The following PXT1 variants were observed in gnomAD, a reference collection of about 807,000 sequenced individuals.
PXT1 encodes peroxisomal testis-specific protein 1.
In PXT1, 11 loss-of-function variants were observed where a neutral mutation model predicts 11.0. The ratio of observed to expected loss-of-function variants is 1.00; its 90% confidence interval spans 0.63 to 1.66. The LOEUF is 1.66. Among genes scored for constraint, PXT1 ranks in the 40% most tolerant of loss-of-function variants. The pLI, the probability that PXT1 is intolerant of heterozygous loss-of-function variation, is 0.00. For missense variants in PXT1, 141 were observed against 155.5 expected (o/e 0.91, Z 0.49); for synonymous variants, 43 against 51.4 (o/e 0.84, Z 0.70).
chr6:36,393,236 G>A (rs914688115), intron 4 of PXT1, among the ~76,000 whole-genome samples: 1 of 152,112 alleles, frequency 6.6e-6, no homozygotes. Flanking sequence ...AAAGTGCCGG[G>A]ATTACAGGCG....
At chr6:36,424,806 C>A (rs967496913) in intron 3 of PXT1, among the ~76,000 whole-genome samples, 1 of 151,984 alleles carries the variant, frequency 6.6e-6, no homozygotes, top group Non-Finnish European at 1.5e-5. Flanking sequence ...TCCAGCCTGG[C>A]CAACACGGTG....
intron 3 of PXT1, among the ~76,000 whole-genome samples, chr6:36,413,955 C>T (rs1293469240): frequency 1.3e-5 from 2 of 152,174 alleles, no homozygotes; most frequent in Non-Finnish European, 2.9e-5. Context: ...GCTAAGATTA[C>T]GTCACTGCAC....
intron 2 of PXT1, among the ~76,000 whole-genome samples, chr6:36,433,965 G>A (rs964954527): frequency 6.6e-6 from 1 of 151,926 alleles, no homozygotes; most frequent in Non-Finnish European, 1.5e-5. Flanking sequence ...AAGAAAATAT[G>A]AGAAAATGTT....
At chr6:36,402,970 C>A (rs1277721797) in intron 3 of PXT1, among the ~76,000 whole-genome samples, 1 of 145,208 alleles carries the variant, frequency 6.9e-6, no homozygotes, top group Non-Finnish European at 1.5e-5. Flanking sequence ...TTTTTTGACA[C>A]AGTTTCACTC....
intron 4 of PXT1, among the ~76,000 whole-genome samples, chr6:36,398,157 C>T (rs775799544): frequency 2.3e-4 from 35 of 152,124 alleles, no homozygotes; most frequent in Non-Finnish European, 4.9e-4. Flanking sequence ...AAATGCAAAT[C>T]AAAAGCACAA....
intron 3 of PXT1, 118 bp downstream of exon 3, chr6:36,425,796 A>AAAATAAAAAC (rs1561932329): frequency 3.4e-6 from 1 of 291,732 alleles, no homozygotes. Context: ...TCAAAAAACA[A>AAAATAAAAAC]AAACAAAAAA....
At chr6:36,407,832 C>T (rs1471775523) in intron 3 of PXT1, among the ~76,000 whole-genome samples, 1 of 152,204 alleles carries the variant, frequency 6.6e-6, no homozygotes, top group East Asian at 1.9e-4. Flanking sequence ...CCTACATTTT[C>T]CCACCACAAC....
intron 3 of PXT1, among the ~76,000 whole-genome samples, chr6:36,412,077 C>T (rs1052323942): frequency 2.6e-5 from 4 of 152,138 alleles, no homozygotes; most frequent in Non-Finnish European, 4.4e-5. Context: ...TGGAGCCAGG[C>T]GCGGTGGCTC....
At chr6:36,401,444 G>A (rs1302439381) in intron 3 of PXT1, among the ~76,000 whole-genome samples, 2 of 151,978 alleles carry the variant, frequency 1.3e-5, no homozygotes, top group Non-Finnish European at 2.9e-5. Context: ...GTAAGACCTT[G>A]TCTCTACAGA....
chr6:36,395,364 T>A (rs1212671302), intron 4 of PXT1, among the ~76,000 whole-genome samples: 2 of 151,792 alleles, frequency 1.3e-5, no homozygotes, highest in African/African-American at 4.8e-5. Flanking sequence ...TTAAACAGAG[T>A]ACAAAAGGTA....
intron 3 of PXT1, among the ~76,000 whole-genome samples, chr6:36,410,417 G>A (rs1267388680): frequency 1.3e-5 from 2 of 149,524 alleles, no homozygotes; most frequent in Admixed American, 6.7e-5. Flanking sequence ...GCCATTGCTC[G>A]CCAGCCAGGG....
intron 3 of PXT1, among the ~76,000 whole-genome samples, chr6:36,408,837 T>A (rs1039584203): frequency 6.6e-6 from 1 of 151,576 alleles, no homozygotes; most frequent in Non-Finnish European, 1.5e-5. Context: ...CCCATGATCA[T>A]GCCACTGCAC....
At chr6:36,439,644 G>GAAAAAAAAAAAAA (rs11478447) in intron 1 of PXT1, among the ~76,000 whole-genome samples, 1 of 102,850 alleles carries the variant, frequency 9.7e-6, no homozygotes, top group Non-Finnish European at 2.0e-5. Context: ...ATATAAGGCT[G>GAAAAAAAAAAAAA]AAAAAAAAAA....
chr6:36,421,697 T>G (rs907730328), intron 3 of PXT1, among the ~76,000 whole-genome samples: 12 of 152,208 alleles, frequency 7.9e-5, no homozygotes, highest in Non-Finnish European at 1.6e-4. Flanking sequence ...CTCAAACTCC[T>G]GGGCTCAAGC....
intron 4 of PXT1, among the ~76,000 whole-genome samples, chr6:36,398,236 G>T (rs930793551): frequency 3.3e-5 from 5 of 152,142 alleles, no homozygotes; most frequent in Non-Finnish European, 5.9e-5. Context: ...TGTTGGCAAG[G>T]ATGTGAAGAA....
At chr6:36,411,131 A>T (rs553388725) in intron 3 of PXT1, among the ~76,000 whole-genome samples, 1 of 152,334 alleles carries the variant, frequency 6.6e-6, no homozygotes, top group South Asian at 2.1e-4. Flanking sequence ...GGTTCATCTT[A>T]CAATTGATGG....
At chr6:36,395,014 AAGAG>A (rs1262205802) in intron 4 of PXT1, among the ~76,000 whole-genome samples, 1 of 151,558 alleles carries the variant, frequency 6.6e-6, no homozygotes, top group Non-Finnish European at 1.5e-5. Flanking sequence ...AAACAAAAAA[AAGAG>A]AGAGAGAGAG....
At chr6:36,413,590 C>A (rs1461151745) in intron 3 of PXT1, among the ~76,000 whole-genome samples, 1 of 152,160 alleles carries the variant, frequency 6.6e-6, no homozygotes, top group East Asian at 1.9e-4. Context: ...GACTTCCCAT[C>A]AATAACAATG....
chr6:36,409,897 AGAAG>A (rs755210045), intron 3 of PXT1, among the ~76,000 whole-genome samples: 15 of 147,250 alleles, frequency 1.0e-4, no homozygotes, highest in East Asian at 4.0e-4. Flanking sequence ...AAGGAAGGAA[AGAAG>A]GAAGGAAGGA....
Sources: gnomAD v4.1 joint callset for allele counts (sites outside exome capture counted in the v4.1 genomes callset) on GRCh38, gnomAD v4.1.1 for gene constraint, MANE v1.5 for transcripts, NCBI Gene and HGNC (gene_info 2026-07-23, HGNC 2026-07-21) for gene names.